RHO: variants seen among roughly 807,000 people sequenced by gnomAD.
RHO encodes rhodopsin, also known as opsin 2, rod pigment.
A neutral mutation model predicts 31.2 loss-of-function variants in RHO; 21 were observed. That is an observed-to-expected ratio of 0.67 (90% CI 0.48 to 0.97). The LOEUF (loss-of-function observed/expected upper bound fraction) is 0.97. RHO is among the 50% of genes least tolerant of loss of function. The pLI, the probability that RHO is intolerant of heterozygous loss-of-function variation, is 0.00. For synonymous variants in RHO, 211 were observed against 196.6 expected (o/e 1.07, Z -0.61); for missense variants, 414 against 479.5 (o/e 0.86, Z 1.28).
In RHO at chr3:129,532,923, A is replaced by G; in HGVS notation, c.936+151A>G. The G allele has an allele frequency of 9.2e-7, 1 of 1,082,874 alleles. No individual in the cohort carries two copies. Among genetic ancestry groups the G allele is most frequent in the Non-Finnish European group, 1.4e-6 (1 of 732,528 alleles). 67.1% of individuals were successfully genotyped at this position (1,082,874 alleles called of 1,614,324 possible). A position where few individuals can be genotyped will look rare whatever the true frequency, so the allele number is the denominator to read the frequency against. On this transcript the variant is annotated intron_variant, in intron 4 of 4. Transcript: ENST00000296271. This position sits in a 1 kb window ranked among gnomAD's most constrained non-coding sequence, Gnocchi z 5.5. ...AGTCCCAATGGGGAGTGTGTGAGAA[A>G]TGCAGATTCCTGGCCCCACTCAGAA...
Position 129,533,742 on chromosome 3 carries a change from G to A in RHO, c.*24G>A, listed in dbSNP as rs1435838714. The A allele has an allele frequency of 8.7e-6, 13 of 1,499,626 alleles. No individual in the cohort carries two copies. The highest frequency in any genetic ancestry group is 5.6e-5 in the South Asian group (5 of 88,834). 92.9% of individuals were successfully genotyped at this position (1,499,626 alleles called of 1,614,324 possible). ...AAGACCTGCCTAGGACTCTGTGGCCGACTATAGGCGTCTCCCATCCCCTAC... is the reference window on the plus strand; with the variant it reads ...AAGACCTGCCTAGGACTCTGTGGCCAACTATAGGCGTCTCCCATCCCCTAC... On this transcript the variant is annotated 3_prime_UTR_variant, in exon 5 of 5. Transcript: ENST00000296271.
chr3:129,530,180 G>C (rs73863103), intron 1 of RHO, among the ~76,000 whole-genome samples: 1 of 152,160 alleles, frequency 6.6e-6, no homozygotes, highest in Non-Finnish European at 1.5e-5. Context: ...GTTCTCTGCA[G>C]GGTCAGTCCC....
chr3:129,531,483 G>A (rs6803484), intron 2 of RHO, among the ~76,000 whole-genome samples: 15,185 of 152,250 alleles, frequency 0.1, 1,112 homozygotes, highest in African/African-American at 0.2. Context: ...TAATGGGGCT[G>A]AGATGAGACA....
Position 129,532,779 on chromosome 3 carries a change from A to G in RHO, c.936+7A>G. 1 of 1,613,972 alleles carries G rather than the reference A, an allele frequency of 6.2e-7. No homozygotes were observed. Among genetic ancestry groups the G allele is most frequent in the Non-Finnish European group, 8.5e-7 (1 of 1,180,034 alleles). ...TATCATGATGAACAAGCAGGTGCCTACTGCGGGTGGGAGGGCCCCAGTGCC... is the reference window on the plus strand; with the variant it reads ...TATCATGATGAACAAGCAGGTGCCTGCTGCGGGTGGGAGGGCCCCAGTGCC... On this transcript the variant is annotated splice_region_variant and intron_variant, in intron 4 of 4. Coordinates refer to ENST00000296271, the MANE Select transcript of RHO (RefSeq NM_000539.3). The surrounding 1 kb of genome is among the most constrained non-coding windows in gnomAD (Gnocchi z 5.5).
chr3:129,531,066 G>A (rs1316474875), intron 2 of RHO, 22 bp downstream of exon 2: 2 of 1,611,214 alleles, frequency 1.2e-6, no homozygotes, highest in Admixed American at 3.3e-5. Context: ...GAGCAGAAGG[G>A]AAGAAGCTCC....
Position 129,531,716 on chromosome 3 carries a change from G to A in RHO, c.531-535G>A, listed in dbSNP as rs139435571. Among the ~76,000 whole-genome samples the A allele has an allele frequency of 1.6e-4, 24 of 152,260 alleles. No homozygotes were observed. In the East Asian group the frequency reaches 3.7e-3, roughly 23 times the overall value. ...TCCTCTGGAAGCAGAGCCGCTGGAC[G>A]CTCTGGGTTTCCTGAGGCCCGTCCA... is the stretch of plus-strand genomic sequence containing the variant. On this transcript the variant is annotated intron_variant, in intron 2 of 4. Coordinates refer to ENST00000296271, the MANE Select transcript of RHO (RefSeq NM_000539.3).
intron 1 of RHO, among the ~76,000 whole-genome samples, chr3:129,530,533 A>ACACACACACACAAC (rs1553781099): frequency 1.4e-4 from 17 of 122,916 alleles, no homozygotes; most frequent in African/African-American, 6.5e-4. Context: ...ACACACACAC[A>ACACACACACACAAC]ACACACACAC....
Position 129,532,652 on chromosome 3 carries a change from A to T in RHO, c.816A>T (p.Ala272=). ...LICWVPYASV[A]FYIFTHQGSN... ...GCTGGGTGCCCTACGCCAGCGTGGCATTCTACATCTTCACCCACCAGGGCT... is the reference window on the plus strand; with the variant it reads ...GCTGGGTGCCCTACGCCAGCGTGGCTTTCTACATCTTCACCCACCAGGGCT... Residue 272 remains alanine, a synonymous_variant, in exon 4 of 5, where the codon GCA becomes GCT. Coordinates refer to ENST00000296271, the MANE Select transcript of RHO (RefSeq NM_000539.3). The surrounding 1 kb of genome is among the most constrained non-coding windows in gnomAD (Gnocchi z 5.5). 6.2e-7 allele frequency: 1 copy of T among 1,614,252 alleles called. No individual in the cohort carries two copies. The highest frequency in any genetic ancestry group is 8.5e-7 in the Non-Finnish European group (1 of 1,180,038).
intron 1 of RHO, among the ~76,000 whole-genome samples, chr3:129,529,943 C>G (rs1448847236): frequency 6.6e-6 from 1 of 152,162 alleles, no homozygotes; most frequent in East Asian, 1.9e-4. Context: ...TGCTGAGATG[C>G]AGGAGGAGAC....
rs104893775 is a variant in RHO at position 129,530,917 on chromosome 3, C to T, written c.403C>T (p.Arg135Trp). 1.2e-6 allele frequency: 2 copies of T among 1,614,258 alleles called. No homozygotes were observed. The highest frequency in any genetic ancestry group is 1.7e-6 in the Non-Finnish European group (2 of 1,180,052). The change falls in exon 2 of 5, where the codon CGG (arginine) becomes TGG (tryptophan). Residue 135 changes from arginine (R) to tryptophan (W), a missense_variant. Physicochemically the swap from Arg to Trp is moderately radical, Grantham distance 101. Coordinates refer to ENST00000296271, the MANE Select transcript of RHO (RefSeq NM_000539.3). ...LWSLVVLAIERYVVVCKPMSN... is the reference protein window; with the variant it reads ...LWSLVVLAIEWYVVVCKPMSN... ...GTCCTTGGTGGTCCTGGCCATCGAG[C>T]GGTACGTGGTGGTGTGTAAGCCCAT... is the stretch of plus-strand genomic sequence containing the variant.
rs372128112 is a variant in RHO at position 129,529,104 on chromosome 3, G to T, written c.361+10G>T. 6.2e-7 allele frequency: 1 copy of T among 1,608,362 alleles called. No individual in the cohort carries two copies. The highest frequency in any genetic ancestry group is 8.5e-7 in the Non-Finnish European group (1 of 1,177,738). On this transcript the variant is annotated intron_variant, in intron 1 of 4. Transcript: ENST00000296271. ...TTTGCCACCCTGGGCGGTATGAGCC[G>T]GGTGTGGGTGGGGTGTGCAGGAGCC...
rs1297879534 is a variant in RHO, at chr3:129,530,961, G to A, written c.447G>A (p.Gly149=). The change falls in exon 2 of 5, where the codon GGG becomes GGA. Residue 149 remains glycine, a synonymous_variant. Coordinates refer to ENST00000296271, the MANE Select transcript of RHO (RefSeq NM_000539.3). ...VCKPMSNFRF[G]ENHAIMGVAF... ...AGCCCATGAGCAACTTCCGCTTCGG[G>A]GAGAACCATGCCATCATGGGCGTTG... is the stretch of plus-strand genomic sequence containing the variant. 3.7e-6 allele frequency: 6 copies of A among 1,614,156 alleles called. No homozygotes were observed. Among genetic ancestry groups the A allele is most frequent in the African/African-American group, 1.3e-5 (1 of 74,952 alleles).
intron 1 of RHO, among the ~76,000 whole-genome samples, chr3:129,530,399 C>T (rs2084769663): frequency 6.6e-6 from 1 of 151,998 alleles, no homozygotes; most frequent in South Asian, 2.1e-4. Flanking sequence ...TATTTCATTT[C>T]CCGAGAAGGG....
chr3:129,528,737 A>G lies in RHO; in HGVS notation c.4A>G (p.Asn2Asp). The G allele has an allele frequency of 4.3e-6, 7 of 1,614,160 alleles. No homozygotes were observed. Among genetic ancestry groups the G allele is most frequent in the Non-Finnish European group, 5.1e-6 (6 of 1,180,040 alleles). Reference protein sequence around the residue: MNGTEGPNFYVP... With the variant: MDGTEGPNFYVP... ...GTCAGCCACAAGGGCCACAGCCATG[A>G]ATGGCACAGAAGGCCCTAACTTCTA... The change falls in exon 1 of 5, where the codon AAT becomes GAT. Residue 2 changes from asparagine (N) to aspartate (D), a missense_variant. By Grantham distance (23) the Asn-to-Asp change is conservative. Coordinates refer to ENST00000296271, the MANE Select transcript of RHO (RefSeq NM_000539.3).
At chr3:129,529,344 A>G (rs1405194008) in intron 1 of RHO, among the ~76,000 whole-genome samples, 2 of 152,270 alleles carry the variant, frequency 1.3e-5, no homozygotes, top group African/African-American at 4.8e-5. Context: ...CTAATTTCAC[A>G]GCAAGAAAAC....
In RHO at chr3:129,535,157, A is replaced by G. The variant is rs2084811998; in HGVS notation, c.*1439A>G. 6.6e-6 allele frequency: 1 copy of G among 152,652 alleles called. No individual in the cohort carries two copies. The highest frequency in any genetic ancestry group is 2.1e-4 in the South Asian group (1 of 4,818). The allele number at this position is 152,652 out of a possible 1,614,324, so 9.5% of individuals were successfully genotyped here. The stretch of plus-strand genomic sequence containing the variant: ...TTGGGCCATTAAAAGCTCAGCTCCT[A>G]TGTTGGTATTAACGGTGGTGGGTTT... On this transcript the variant is annotated 3_prime_UTR_variant, in exon 5 of 5. Coordinates refer to ENST00000296271, the MANE Select transcript of RHO (RefSeq NM_000539.3).
At position 129,534,498 on chromosome 3, in the gene RHO, A is replaced by G. The variant is rs2108751023; in HGVS notation, c.*780A>G. 6.6e-6 allele frequency: 1 copy of G among 152,418 alleles called. No homozygotes were observed. Among genetic ancestry groups the G allele is most frequent in the Middle Eastern group, 3.4e-3 (1 of 294 alleles). 9.4% of individuals were successfully genotyped at this position (152,418 alleles called of 1,614,324 possible). On this transcript the variant is annotated 3_prime_UTR_variant, in exon 5 of 5. Coordinates refer to ENST00000296271, the MANE Select transcript of RHO (RefSeq NM_000539.3). ...ACCTTGGGGCAGGTTTTTAAAAATT[A>G]GCTAGGCATCAAGGCCAGACCAGGG... is the stretch of plus-strand genomic sequence containing the variant.
intron 4 of RHO, among the ~76,000 whole-genome samples, chr3:129,533,079 A>T (rs2855557): frequency 0.37 from 56,990 of 152,038 alleles, 17,322 homozygotes; most frequent in African/African-American, 0.81. Context: ...AGTCAGAAGG[A>T]CCCAAGTCGG....
At position 129,533,841 on chromosome 3, in the gene RHO, A is replaced by C; in HGVS notation, c.*123A>C. The C allele has an allele frequency of 1.6e-6, 1 of 623,566 alleles. No individual in the cohort carries two copies. Among genetic ancestry groups the C allele is most frequent in the African/African-American group, 3.6e-5 (1 of 27,918 alleles). The allele number at this position is 623,566 out of a possible 1,614,324, so 38.6% of individuals were successfully genotyped here. On this transcript the variant is annotated 3_prime_UTR_variant, in exon 5 of 5. Coordinates refer to ENST00000296271, the MANE Select transcript of RHO (RefSeq NM_000539.3). ...ATGAACGAAGTCACATAGGCTCCTTAATTTTTTTTTTTTTTTTAAGAAATA... is the reference window on the plus strand; with the variant it reads ...ATGAACGAAGTCACATAGGCTCCTTCATTTTTTTTTTTTTTTTAAGAAATA...
Sources: allele counts gnomAD v4.1 joint callset (sites outside exome capture counted in the v4.1 genomes callset), GRCh38; gene constraint gnomAD v4.1.1; non-coding constraint Gnocchi (gnomAD v3.1); transcripts MANE v1.5; gene names NCBI Gene and HGNC (gene_info 2026-07-23, HGNC 2026-07-21).